Variants in EVC2 observed in about 807,000 individuals in gnomAD.
EVC2 encodes the protein EvC ciliary complex subunit 2.
In EVC2, 148 loss-of-function variants were observed where a neutral mutation model predicts 149.3. That is an observed-to-expected ratio of 0.99 (90% CI 0.87 to 1.14). The LOEUF (loss-of-function observed/expected upper bound fraction) is 1.14, where lower values mean the gene tolerates loss of function less well. Ranked by LOEUF, EVC2 falls within the 50% of genes most tolerant of loss-of-function variation. The probability of loss-of-function intolerance (pLI) is 0.00; values close to 1 mark genes in which losing one functional copy is unlikely to be tolerated. For missense variants in EVC2, 1,854 were observed against 1,627.3 expected (o/e 1.14, Z -2.40); for synonymous variants, 776 against 649.9 (o/e 1.19, Z -2.95).
intron 21 of EVC2, among the ~76,000 whole-genome samples, chr4:5,563,432 C>A (rs1228743041): frequency 6.6e-6 from 1 of 152,182 alleles, no homozygotes; most frequent in Non-Finnish European, 1.5e-5. Flanking sequence ...CTGCAACCTC[C>A]ACCTCCCAGG....
At position 5,576,238 on chromosome 4, in the gene EVC2, A is replaced by T; in HGVS notation, c.3272+2T>A. On this transcript the variant is annotated splice_donor_variant, in intron 18 of 21. Coordinates refer to ENST00000344408, the MANE Select transcript of EVC2 (RefSeq NM_147127.5). LOFTEE classifies it high-confidence loss of function. This position sits in a 1 kb window ranked among gnomAD's most constrained non-coding sequence, Gnocchi z 4.5. The stretch of plus-strand genomic sequence containing the variant: ...TTGAGTGCTACGGGGCACACGGCAT[A>T]CCACTGCTGATGTTGCTCCAGTAAT... 1 of 1,614,152 alleles carries T rather than the reference A, an allele frequency of 6.2e-7. No individual in the cohort carries two copies. The highest frequency in any genetic ancestry group is 8.5e-7 in the Non-Finnish European group (1 of 1,180,028).
At position 5,677,542 on chromosome 4, in the gene EVC2, T is replaced by A. The variant is rs974559707; in HGVS notation, c.870+3718A>T. On this transcript the variant is annotated intron_variant, in intron 7 of 21. Coordinates refer to ENST00000344408, the MANE Select transcript of EVC2 (RefSeq NM_147127.5). The surrounding 1 kb of genome is among the most constrained non-coding windows in gnomAD (Gnocchi z 4.3). ...ATTCCTCTTTCTCCTGAAGGCAACA[T>A]GCAGGTGACGGGAAGCCTGGAAGAC... is the stretch of plus-strand genomic sequence containing the variant. Among the ~76,000 whole-genome samples the A allele has an allele frequency of 7.9e-5, 12 of 152,204 alleles. No homozygotes were observed. The highest frequency in any genetic ancestry group is 2.7e-4 in the African/African-American group (11 of 41,460).
chr4:5,563,105 T>C lies in EVC2; in HGVS notation c.3670A>G (p.Lys1224Glu). 2.5e-6 allele frequency: 4 copies of C among 1,613,836 alleles called. No homozygotes were observed. Among genetic ancestry groups the C allele is most frequent in the Non-Finnish European group, 3.4e-6 (4 of 1,180,032 alleles). The change falls in exon 22 of 22, where the codon AAG (lysine) becomes GAG (glutamate). Residue 1224 changes from lysine to glutamate, a missense_variant. Coordinates refer to ENST00000344408, the MANE Select transcript of EVC2 (RefSeq NM_147127.5). Reference sequence around the variant, plus strand: ...CTCTCTCTGAGAGGGAGACATGTCTTCTTTAATATGCTAAAGAAATAGCAA... The same window carrying C: ...CTCTCTCTGAGAGGGAGACATGTCTCCTTTAATATGCTAAAGAAATAGCAA... ...ARKRKQSILK[K>E]TCLPLRERMI...
At position 5,635,871 on chromosome 4, in the gene EVC2, C is replaced by G. The variant is rs116429981; in HGVS notation, c.1471-3839G>C. On this transcript the variant is annotated intron_variant, in intron 10 of 21. Coordinates refer to ENST00000344408, the MANE Select transcript of EVC2 (RefSeq NM_147127.5). ...CGAACCCCAGAGGAAGGACCCAGCT[C>G]TGAACTGGATGCAGGAAGCTGGATT... Among the ~76,000 whole-genome samples the G allele has an allele frequency of 7.4e-3, 1,129 of 152,236 alleles. 13 individuals carry two copies. The highest frequency in any genetic ancestry group is 0.025 in the African/African-American group (1,059 of 41,532).
At chr4:5,706,614 G>C (rs530764058) in intron 1 of EVC2, among the ~76,000 whole-genome samples, 4 of 152,042 alleles carry the variant, frequency 2.6e-5, no homozygotes, top group Admixed American at 2.0e-4. Context: ...GCTCAGAAGA[G>C]GAAGCAGAGA....
chr4:5,675,525 A>G (rs114426584), intron 7 of EVC2, among the ~76,000 whole-genome samples: 3,387 of 152,300 alleles, frequency 0.022, 65 homozygotes, highest in South Asian at 0.054. Flanking sequence ...AATATTTTTA[A>G]TATCTGCTAG....
At chr4:5,615,183 T>A (rs1715147191) in intron 16 of EVC2, among the ~76,000 whole-genome samples, 1 of 152,046 alleles carries the variant, frequency 6.6e-6, no homozygotes, top group Admixed American at 6.6e-5. Context: ...GCCTGAAGGA[T>A]CCGGTGAGAT....
intron 5 of EVC2, among the ~76,000 whole-genome samples, chr4:5,688,774 C>G (rs1447582805): frequency 6.6e-6 from 1 of 152,202 alleles, no homozygotes; most frequent in African/African-American, 2.4e-5. Flanking sequence ...CCAAAACAAA[C>G]TCTTCATCTT....
Position 5,637,968 on chromosome 4 carries a change from C to T in EVC2, c.1470+2546G>A, listed in dbSNP as rs1717004387. On this transcript the variant is annotated intron_variant, in intron 10 of 21. Coordinates refer to ENST00000344408, the MANE Select transcript of EVC2 (RefSeq NM_147127.5). The surrounding 1 kb of genome is among the most constrained non-coding windows in gnomAD (Gnocchi z 4.4). ...AAAACTCTTTAAAAATGTAAAAAAACATTCTCAACTTGCAGGCCACATAAA... is the reference window on the plus strand; with the variant it reads ...AAAACTCTTTAAAAATGTAAAAAAATATTCTCAACTTGCAGGCCACATAAA... Among the ~76,000 whole-genome samples the T allele has an allele frequency of 6.6e-6, 1 of 152,140 alleles. No homozygotes were observed. Among genetic ancestry groups the T allele is most frequent in the South Asian group, 2.1e-4 (1 of 4,830 alleles).
chr4:5,583,068 G>C (rs935912695), intron 17 of EVC2, among the ~76,000 whole-genome samples: 2 of 152,076 alleles, frequency 1.3e-5, no homozygotes, highest in South Asian at 4.1e-4. Flanking sequence ...TTATAGCAAT[G>C]CAAGAACAGA....
chr4:5,622,648 T>G lies in EVC2; in HGVS notation c.2390A>C (p.Asp797Ala), dbSNP rs931667385. 1.9e-6 allele frequency: 3 copies of G among 1,614,010 alleles called. No individual in the cohort carries two copies. Among genetic ancestry groups the G allele is most frequent in the Non-Finnish European group, 1.7e-6 (2 of 1,179,994 alleles). ...GCTCTGGACACCCTCCTGGTCCCTG[T>G]CCCTCTCCTCCCCCTCCAGCTGCTC... ...RAEQLEGEER[D>A]RDQEGVQSVR... is the part of the protein sequence containing the mutation. The change falls in exon 14 of 22, where the codon GAC becomes GCC. Residue 797 changes from aspartate to alanine, a missense_variant. Physicochemically the swap from Asp to Ala is moderately radical, Grantham distance 126. Transcript: ENST00000344408. The surrounding 1 kb of genome is among the most constrained non-coding windows in gnomAD (Gnocchi z 5.8).
At chr4:5,692,738 G>A (rs1455418408) in intron 3 of EVC2, among the ~76,000 whole-genome samples, 1 of 150,568 alleles carries the variant, frequency 6.6e-6, no homozygotes, top group African/African-American at 2.4e-5. Context: ...GCGGTGGCGG[G>A]CGCCTGTAGT....
rs1031197457 is a variant in EVC2, at chr4:5,569,109, C to G, written c.3361-469G>C. ...AGTCAGAAGAAAGAACTGGAAGGAT[C>G]CCAGGGGCATTATGCCGAGTGGAAA... is the stretch of plus-strand genomic sequence containing the variant. On this transcript the variant is annotated intron_variant, in intron 19 of 21. Coordinates refer to ENST00000344408, the MANE Select transcript of EVC2 (RefSeq NM_147127.5). This position sits in a 1 kb window ranked among gnomAD's most constrained non-coding sequence, Gnocchi z 4.8. Among the ~76,000 whole-genome samples, 8 of 152,316 alleles carry G rather than the reference C, an allele frequency of 5.3e-5. No individual in the cohort carries two copies. Among genetic ancestry groups the G allele is most frequent in the Middle Eastern group, 3.4e-3 (1 of 294 alleles).
At position 5,696,183 on chromosome 4, in the gene EVC2, C is replaced by T. The variant is rs533983742; in HGVS notation, c.283+1410G>A. ...CTGGGCCAGGGCACAAATGCTTGTG[C>T]AGCAAGCAACCAGGACATAAAGTCT... On this transcript the variant is annotated intron_variant, in intron 2 of 21. Coordinates refer to ENST00000344408, the MANE Select transcript of EVC2 (RefSeq NM_147127.5). The surrounding 1 kb of genome is among the most constrained non-coding windows in gnomAD (Gnocchi z 4.1). Among the ~76,000 whole-genome samples, 4 of 152,298 alleles carry T rather than the reference C, an allele frequency of 2.6e-5. No homozygotes were observed. Among genetic ancestry groups the T allele is most frequent in the South Asian group, 4.1e-4 (2 of 4,826 alleles).
At chr4:5,565,747 G>C (rs997287834) in intron 20 of EVC2, among the ~76,000 whole-genome samples, 2 of 151,376 alleles carry the variant, frequency 1.3e-5, no homozygotes, top group Non-Finnish European at 2.9e-5. Context: ...ACCTTTGGTT[G>C]CCACTAGGAA....
intron 9 of EVC2, among the ~76,000 whole-genome samples, chr4:5,658,368 T>A (rs995101272): frequency 6.6e-6 from 1 of 152,192 alleles, no homozygotes; most frequent in Non-Finnish European, 1.5e-5. Context: ...AGGAACAAAA[T>A]CATTTCTCTA....
chr4:5,531,265 C>A, the EVC2 span, among the ~76,000 whole-genome samples: 1 of 152,108 alleles, frequency 6.6e-6, no homozygotes, highest in Non-Finnish European at 1.5e-5. Context: ...GAAACAGAAC[C>A]AATAGAATGT....
At chr4:5,534,562 A>T in the EVC2 span, among the ~76,000 whole-genome samples, 1 of 152,234 alleles carries the variant, frequency 6.6e-6, no homozygotes, top group Non-Finnish European at 1.5e-5. Flanking sequence ...CAGTGCTAAT[A>T]AATTTCCTGT....
At chr4:5,655,814 C>T (rs1297740386) in intron 9 of EVC2, among the ~76,000 whole-genome samples, 4 of 151,290 alleles carry the variant, frequency 2.6e-5, no homozygotes, top group Non-Finnish European at 5.9e-5. Context: ...AGGACAGTTT[C>T]AAAATAGCTT....
Sources: gnomAD v4.1 joint callset for allele counts (sites outside exome capture counted in the v4.1 genomes callset) on GRCh38, gnomAD v4.1.1 for gene constraint, Gnocchi (gnomAD v3.1) non-coding constraint, MANE v1.5 for transcripts, NCBI Gene and HGNC (gene_info 2026-07-23, HGNC 2026-07-21) for gene names.